MAST4: variants seen among roughly 807,000 people sequenced by gnomAD.
The protein encoded by MAST4 is microtubule-associated serine/threonine-protein kinase 4.
A neutral mutation model predicts 162.7 loss-of-function variants in MAST4; 89 were observed. The ratio of observed to expected loss-of-function variants is 0.55; its 90% CI spans 0.46 to 0.65. MAST4 has a LOEUF of 0.65. MAST4 is among the 30% of genes least tolerant of loss of function. MAST4 has a pLI of 0.00. For synonymous variants in MAST4, 1,479 were observed against 1,361.1 expected, an observed-to-expected ratio of 1.09 and a Z score of -1.91; for missense variants, 3,153 against 3,374.0, an observed-to-expected ratio of 0.93 and a Z score of 1.62.
At chr5:67,128,990 A>G (rs1053474445) in intron 14 of MAST4, among the ~76,000 whole-genome samples, 1 of 152,180 alleles carries the variant, frequency 6.6e-6, no homozygotes, top group Non-Finnish European at 1.5e-5. Context: ...ATGAGCTGTT[A>G]AGACTCCTTC....
At chr5:66,846,166 C>T (rs78245120) in intron 3 of MAST4, among the ~76,000 whole-genome samples, 5 of 152,186 alleles carry the variant, frequency 3.3e-5, no homozygotes, top group Admixed American at 1.3e-4. Context: ...AGAGTTTGGC[C>T]GCATTCTTAA....
At chr5:66,739,846 G>GT (rs35980021) in intron 1 of MAST4, among the ~76,000 whole-genome samples, 40,774 of 135,532 alleles carry the variant, frequency 0.3, 6,723 homozygotes, top group East Asian at 0.7. Context: ...CATCACTCTT[G>GT]TTTTTTTTTT....
In MAST4 at chr5:66,846,019, C is replaced by A. The variant is rs1023136437; in HGVS notation, c.643-53932C>A. Among the ~76,000 whole-genome samples, 21 of 152,260 alleles carry A rather than the reference C, an allele frequency of 1.4e-4. 1 individual carries two copies. Among genetic ancestry groups the A allele is most frequent in the Middle Eastern group, 3.4e-3 (1 of 294 alleles). On this transcript the variant is annotated intron_variant, in intron 3 of 28. Coordinates refer to ENST00000403625, the MANE Select transcript of MAST4 (RefSeq NM_001164664.2). ...GTATCAGTTCATTTCATTTCTATCA[C>A]ATACCCTTGGAGGAGGTGCTGCTGT...
At chr5:66,767,035 T>C (rs934139345) in intron 2 of MAST4, among the ~76,000 whole-genome samples, 9 of 152,184 alleles carry the variant, frequency 5.9e-5, no homozygotes, top group Non-Finnish European at 1.0e-4. Flanking sequence ...CCGTTTCCAG[T>C]TGGCAGAAGT....
chr5:66,648,064 G>A (rs1475902346), intron 1 of MAST4, among the ~76,000 whole-genome samples: 1 of 132,798 alleles, frequency 7.5e-6, no homozygotes, highest in East Asian at 2.1e-4. Flanking sequence ...GTGTGTGTGT[G>A]TGTGTGTGTG....
At chr5:67,080,238 A>G (rs574801243) in intron 5 of MAST4, among the ~76,000 whole-genome samples, 1 of 152,318 alleles carries the variant, frequency 6.6e-6, no homozygotes, top group South Asian at 2.1e-4. Context: ...AACTCTGCAT[A>G]AGTGCTTTCC....
intron 23 of MAST4, among the ~76,000 whole-genome samples, chr5:67,147,316 T>C (rs1195220065): frequency 1.3e-5 from 2 of 152,208 alleles, no homozygotes; most frequent in Non-Finnish European, 2.9e-5. Flanking sequence ...TGTTGATTTT[T>C]ATATTGCTCC....
intron 1 of MAST4, among the ~76,000 whole-genome samples, chr5:66,631,249 TTTTG>T (rs1299287176): frequency 6.6e-6 from 1 of 152,112 alleles, no homozygotes. Context: ...TGAACTGACT[TTTTG>T]TTTGTTGTCT....
chr5:66,887,890 C>T (rs890106804), intron 3 of MAST4, among the ~76,000 whole-genome samples: 4 of 152,108 alleles, frequency 2.6e-5, no homozygotes, highest in Non-Finnish European at 5.9e-5. Flanking sequence ...TCAATTCCTG[C>T]ATACTTCCAG....
chr5:66,792,927 G>A (rs56733210), intron 3 of MAST4, among the ~76,000 whole-genome samples: 7,382 of 152,222 alleles, frequency 0.048, 270 homozygotes, highest in South Asian at 0.13. Context: ...CCAGATGATA[G>A]CATTATACTC....
chr5:67,145,063 T>G (rs1272403963), intron 22 of MAST4, 81 bp from the exon 23 acceptor site: 1 of 1,264,074 alleles, frequency 7.9e-7, no homozygotes, highest in Non-Finnish European at 1.1e-6. Context: ...AAGTCCGATT[T>G]TCACCTGGTT....
In MAST4 at chr5:67,163,344, C is replaced by T. The variant is rs1296866232; in HGVS notation, c.4165C>T (p.Pro1389Ser). Reference sequence around the variant, plus strand: ...CCGGACGCCCTCTCCAACCCCGCAACCCACCTCCCCGCAGCGGTCACCATC... The same window carrying T: ...CCGGACGCCCTCTCCAACCCCGCAATCCACCTCCCCGCAGCGGTCACCATC... ...LARTPSPTPQ[P>S]TSPQRSPSPL... is the part of the protein sequence containing the mutation. The change falls in exon 29 of 29, where the codon CCC (proline) becomes TCC (serine). Residue 1389 changes from proline to serine, a missense_variant. Pro to Ser is a moderately conservative substitution (Grantham distance 74, BLOSUM62 -1). Transcript: ENST00000403625. This position sits in a 1 kb window ranked among gnomAD's most constrained non-coding sequence, Gnocchi z 7.0. 4.3e-6 allele frequency: 7 copies of T among 1,612,676 alleles called. No individual in the cohort carries two copies. The highest frequency in any genetic ancestry group is 5.9e-6 in the Non-Finnish European group (7 of 1,179,870).
chr5:66,849,250 A>G (rs1444101928), intron 3 of MAST4, among the ~76,000 whole-genome samples: 1 of 152,092 alleles, frequency 6.6e-6, no homozygotes, highest in Non-Finnish European at 1.5e-5. Context: ...AGTTTGTTCT[A>G]TTCTGGTTCA....
At chr5:66,785,146 G>T (rs1278049844) in intron 2 of MAST4, among the ~76,000 whole-genome samples, 1 of 152,076 alleles carries the variant, frequency 6.6e-6, no homozygotes. Flanking sequence ...CAGGAGAATC[G>T]CTTGAACCTG....
intron 3 of MAST4, among the ~76,000 whole-genome samples, chr5:66,876,210 T>A (rs1276777442): frequency 6.6e-6 from 1 of 152,198 alleles, no homozygotes; most frequent in Non-Finnish European, 1.5e-5. Flanking sequence ...GCAGAGACAA[T>A]AAATGAATTG....
intron 1 of MAST4, among the ~76,000 whole-genome samples, chr5:66,619,591 TAAAC>T (rs1266527570): frequency 6.6e-6 from 1 of 152,128 alleles, no homozygotes; most frequent in Non-Finnish European, 1.5e-5. Context: ...GGGAATGAAA[TAAAC>T]TAATTTTCCC....
chr5:67,102,429 A>G, intron 8 of MAST4, 107 bp from the exon 9 acceptor site: 1 of 981,828 alleles, frequency 1.0e-6, no homozygotes, highest in South Asian at 1.3e-5. Flanking sequence ...TACTTTTCTT[A>G]CAAAGGTTGC....
At chr5:66,902,262 G>A (rs553694727) in intron 4 of MAST4, among the ~76,000 whole-genome samples, 1 of 152,138 alleles carries the variant, frequency 6.6e-6, no homozygotes, top group Non-Finnish European at 1.5e-5. Flanking sequence ...TAGAGAGTGT[G>A]TACCTTGATA....
chr5:66,923,156 G>A (rs544812388), intron 4 of MAST4, among the ~76,000 whole-genome samples: 84 of 152,286 alleles, frequency 5.5e-4, no homozygotes, highest in African/African-American at 1.9e-3. Flanking sequence ...ACTTTGAAGC[G>A]GATTGCTCCC....
Sources: gnomAD v4.1 joint callset for allele counts (sites outside exome capture counted in the v4.1 genomes callset) on GRCh38, gnomAD v4.1.1 for gene constraint, Gnocchi (gnomAD v3.1) non-coding constraint, MANE v1.5 for transcripts, NCBI Gene and HGNC (gene_info 2026-07-23, HGNC 2026-07-21) for gene names.